ZNF91: variants seen among roughly 807,000 people sequenced by gnomAD.
ZNF91 encodes zinc finger protein 91.
In ZNF91, 7 loss-of-function variants were observed where a neutral mutation model predicts 12.6. The ratio of observed to expected loss-of-function variants is 0.55; its 90% CI spans 0.31 to 1.04. The LOEUF is 1.04. Ranked by LOEUF, ZNF91 falls within the 50% of genes least tolerant of loss-of-function variation. ZNF91 has a pLI of 0.05. For synonymous variants in ZNF91, 453 were observed against 462.6 expected (o/e 0.98, Z 0.27); for missense variants, 1,217 against 1,385.4 (o/e 0.88, Z 1.93).
At chr19:23,331,094 T>C (rs995501079) in intron 1 of ZNF91, among the ~76,000 whole-genome samples, 2 of 152,200 alleles carry the variant, frequency 1.3e-5, no homozygotes, top group African/African-American at 4.8e-5. Context: ...ATGTAAGTTT[T>C]CCTAAATATT....
intron 2 of ZNF91, chr19:23,307,735 C>A (rs1270760799): frequency 6.6e-6 from 1 of 152,262 alleles, no homozygotes; most frequent in African/African-American, 2.4e-5. Flanking sequence ...GGCCCCTCAC[C>A]TAAGTGATGT....
intron 1 of ZNF91, among the ~76,000 whole-genome samples, chr19:23,389,291 C>G (rs1969982320): frequency 6.6e-6 from 1 of 151,552 alleles, no homozygotes; most frequent in African/African-American, 2.4e-5. Flanking sequence ...AGTTTATAAA[C>G]AGGTGGTCCA....
At chr19:23,372,572 G>C (rs1301833653) in intron 3 of ZNF91, among the ~76,000 whole-genome samples, 2 of 152,174 alleles carry the variant, frequency 1.3e-5, no homozygotes, top group African/African-American at 4.8e-5. Context: ...CTACAGACAA[G>C]AAAATATTCC....
intron 3 of ZNF91, among the ~76,000 whole-genome samples, chr19:23,344,870 AC>A (rs756813372): frequency 6.6e-5 from 10 of 152,062 alleles, no homozygotes; most frequent in Non-Finnish European, 1.0e-4. Context: ...GAAGACACAT[AC>A]CCCCTGAAGA....
At chr19:23,331,715 G>A (rs981148521) in intron 1 of ZNF91, among the ~76,000 whole-genome samples, 3 of 152,206 alleles carry the variant, frequency 2.0e-5, no homozygotes, top group Admixed American at 2.0e-4. Flanking sequence ...GTTCTGCACT[G>A]GAGAGTGGAT....
At chr19:23,310,249 C>A (rs1334581091) in intron 1 of ZNF91, among the ~76,000 whole-genome samples, 1 of 152,182 alleles carries the variant, frequency 6.6e-6, no homozygotes, top group African/African-American at 2.4e-5. Context: ...TTGTGACACT[C>A]TTACACACAC....
chr19:23,369,783 T>C (rs1294790133), intron 3 of ZNF91, among the ~76,000 whole-genome samples: 1 of 151,202 alleles, frequency 6.6e-6, no homozygotes, highest in Non-Finnish European at 1.5e-5. Context: ...AGATGTGCTT[T>C]GTTAAACAGA....
Position 23,362,414 on chromosome 19 carries a change from T to C in ZNF91, c.565A>G (p.Lys189Glu), listed in dbSNP as rs768691087. ...KKCFKCKKCV[K>E]SFCIRLHKTQ... ...TTGTGTAAACGGATGCAAAATGACTTGACACATTTTTTACATTTGAAGCAT... is the reference window on the plus strand; with the variant it reads ...TTGTGTAAACGGATGCAAAATGACTCGACACATTTTTTACATTTGAAGCAT... The change falls in exon 4 of 4, where the codon AAG (lysine) becomes GAG (glutamate). Residue 189 changes from lysine to glutamate, a missense_variant. Lys to Glu is a moderately conservative substitution (Grantham distance 56). Transcript: ENST00000300619. The C allele has an allele frequency of 4.8e-5, 78 of 1,613,904 alleles. No individual in the cohort carries two copies. Among genetic ancestry groups the C allele is most frequent in the Non-Finnish European group, 5.8e-5 (68 of 1,179,984 alleles).
At chr19:23,348,520 C>G (rs918484250) in intron 3 of ZNF91, among the ~76,000 whole-genome samples, 1 of 152,110 alleles carries the variant, frequency 6.6e-6, no homozygotes, top group Non-Finnish European at 1.5e-5. Flanking sequence ...CTCTTAATCC[C>G]ATCATCTTTG....
chr19:23,342,322 T>TA (rs1322884020), intron 3 of ZNF91: 1 of 391,632 alleles, frequency 2.6e-6, no homozygotes, highest in Non-Finnish European at 4.6e-6. Flanking sequence ...ACCAACCTAG[T>TA]ACTATGTTCA....
chr19:23,334,948 T>C (rs1369932559), downstream of ZNF91, among the ~76,000 whole-genome samples: 1 of 152,236 alleles, frequency 6.6e-6, no homozygotes, highest in Admixed American at 6.5e-5. Context: ...GTTTTTCACA[T>C]ACCAAAAAAG....
chr19:23,336,572 G>A (rs904780919), downstream of ZNF91, among the ~76,000 whole-genome samples: 1 of 152,202 alleles, frequency 6.6e-6, no homozygotes, highest in Non-Finnish European at 1.5e-5. Context: ...GTCCTTTCCA[G>A]GTAGCTCCTT....
Position 23,360,028 on chromosome 19 carries a change from T to C in ZNF91, c.2951A>G (p.His984Arg), listed in dbSNP as rs770969666. ...AFRKSSTLTE[H>R]KIIHTGEKPY... ...TTTCTCTCCAGTATGAATTATCTTA[T>C]GTTCAGTAAGAGTTGAAGATTTCCT... Residue 984 changes from histidine (H) to arginine (R), a missense_variant, in exon 4 of 4, where the codon CAT (histidine) becomes CGT (arginine). Physicochemically the swap from His to Arg is conservative, Grantham distance 29. Coordinates refer to ENST00000300619, the MANE Select transcript of ZNF91 (RefSeq NM_003430.4). The C allele has an allele frequency of 1.1e-5, 17 of 1,613,412 alleles. No individual in the cohort carries two copies. The highest frequency in any genetic ancestry group is 1.4e-5 in the Non-Finnish European group (17 of 1,180,028).
At chr19:23,335,546 C>T (rs1020218330), downstream of ZNF91, among the ~76,000 whole-genome samples, 30 of 152,204 alleles carry the variant, frequency 2.0e-4, no homozygotes, top group Admixed American at 5.2e-4. Flanking sequence ...CCCCCAACCT[C>T]GCTGCCACCT....
intron 3 of ZNF91, among the ~76,000 whole-genome samples, chr19:23,367,616 G>C (rs561894614): frequency 3.1e-4 from 47 of 152,064 alleles, no homozygotes; most frequent in African/African-American, 1.1e-3. Flanking sequence ...AAAAACAAAG[G>C]CATTATAACT....
intron 1 of ZNF91, among the ~76,000 whole-genome samples, chr19:23,330,354 A>T (rs1470183558): frequency 2.0e-5 from 3 of 151,872 alleles, no homozygotes; most frequent in Admixed American, 6.6e-5. Context: ...AAAAAGAAAG[A>T]AAGTCTTCTA....
Position 23,347,984 on chromosome 19 carries a change from C to T in ZNF91, c.254-8930G>A, listed in dbSNP as rs147282396. Among the ~76,000 whole-genome samples, 136 of 152,328 alleles carry T rather than the reference C, an allele frequency of 8.9e-4. 1 individual carries two copies. In the East Asian group the frequency reaches 0.013, roughly 15 times the overall value. On this transcript the variant is annotated intron_variant, in intron 3 of 3. Coordinates refer to the ZNF91 transcript ENST00000599743. ...ACAAACTCTCAACATGCATATAATT[C>T]CCAATTTTGGACTGCCAACATCCAT... is the stretch of plus-strand genomic sequence containing the variant.
intron 1 of ZNF91, among the ~76,000 whole-genome samples, chr19:23,392,082 T>G (rs1033541727): frequency 1.3e-5 from 2 of 152,134 alleles, no homozygotes; most frequent in African/African-American, 4.8e-5. Flanking sequence ...TGTTATTATT[T>G]GTATCAAAAA....
At chr19:23,329,960 C>G (rs1179009152) in intron 1 of ZNF91, among the ~76,000 whole-genome samples, 1 of 152,184 alleles carries the variant, frequency 6.6e-6, no homozygotes, top group Non-Finnish European at 1.5e-5. Flanking sequence ...GAAAAAATAT[C>G]TGTCTCACTT....
Sources: gnomAD v4.1 joint callset for allele counts (sites outside exome capture counted in the v4.1 genomes callset) on GRCh38, gnomAD v4.1.1 for gene constraint, MANE v1.5 for transcripts, NCBI Gene and HGNC (gene_info 2026-07-23, HGNC 2026-07-21) for gene names.